The following FAM222A variants were observed in gnomAD, a reference collection of about 807,000 sequenced individuals.
FAM222A encodes family with sequence similarity 222 member A.
In FAM222A, 7 loss-of-function variants were observed where a neutral mutation model predicts 25.8. That is an observed-to-expected ratio of 0.27 (90% confidence interval 0.15 to 0.51). The LOEUF (loss-of-function observed/expected upper bound fraction) is 0.51. Ranked by LOEUF, FAM222A falls within the 20% of genes least tolerant of loss-of-function variation. The pLI, the probability that FAM222A is intolerant of heterozygous loss-of-function variation, is 0.97. For missense variants in FAM222A, 573 were observed against 640.5 expected (o/e 0.89, Z 1.14); for synonymous variants, 294 against 298.8 (o/e 0.98, Z 0.17).
Position 109,714,297 on chromosome 12 carries a change from C to G in FAM222A, c.-647C>G, listed in dbSNP as rs1887594852. 1 of 160,032 alleles carries G rather than the reference C, an allele frequency of 6.2e-6. No homozygotes were observed. The highest frequency in any genetic ancestry group is 6.5e-5 in the Admixed American group (1 of 15,332). The allele number at this position is 160,032 out of a possible 1,614,324, so 9.9% of individuals were successfully genotyped here. On this transcript the variant is annotated 5_prime_UTR_variant, in exon 1 of 3. Coordinates refer to ENST00000538780, the MANE Select transcript of FAM222A (RefSeq NM_032829.3). This position sits in a 1 kb window ranked among gnomAD's most constrained non-coding sequence, Gnocchi z 4.2. ...CAGGAGGAGGAGGGGCCGGTGCATT[C>G]TCGCCGCTGTTCTTTGCAACCTGCA...
intron 1 of FAM222A, chr12:109,720,150 C>T: frequency 1.0e-6 from 1 of 985,410 alleles, no homozygotes; most frequent in Non-Finnish European, 1.2e-6. Context: ...GTCCTGGCCC[C>T]ACAGCAAGCC....
chr12:109,749,046 A>G (rs959742729), intron 2 of FAM222A, among the ~76,000 whole-genome samples: 2 of 152,116 alleles, frequency 1.3e-5, no homozygotes, highest in Admixed American at 6.5e-5. Context: ...TTTTTAACCT[A>G]AGACTCATTT....
chr12:109,739,934 C>G (rs1410894774), intron 1 of FAM222A, among the ~76,000 whole-genome samples: 2 of 152,220 alleles, frequency 1.3e-5, no homozygotes, highest in Admixed American at 1.3e-4. Context: ...TACATGCTCA[C>G]CACCGTTAAG....
At chr12:109,730,666 C>T (rs1475420881) in intron 1 of FAM222A, among the ~76,000 whole-genome samples, 1 of 152,130 alleles carries the variant, frequency 6.6e-6, no homozygotes, top group Non-Finnish European at 1.5e-5. Context: ...GTCATCTTTG[C>T]CGTGTTTGGT....
rs753980412 is a variant in FAM222A, at chr12:109,769,115, G to A, written c.1186G>A (p.Val396Met). Residue 396 changes from valine (V) to methionine (M), a missense_variant, in exon 3 of 3, where the codon GTG becomes ATG. Transcript: ENST00000538780. ...DALSGLPSKS[V>M]CNTSVLSSSL... is the part of the protein sequence containing the mutation. ...CCTCTCGGGCCTGCCCAGCAAGAGT[G>A]TGTGCAACACATCGGTGCTGAGCAG... 6.2e-7 allele frequency: 1 copy of A among 1,611,618 alleles called. No homozygotes were observed. Among genetic ancestry groups the A allele is most frequent in the South Asian group, 1.1e-5 (1 of 90,818 alleles).
intron 1 of FAM222A, among the ~76,000 whole-genome samples, chr12:109,738,987 T>C (rs1420486801): frequency 2.0e-5 from 3 of 152,154 alleles, no homozygotes; most frequent in African/African-American, 7.2e-5. Flanking sequence ...AGCTCTCTTC[T>C]CTGAACTAGT....
At chr12:109,733,292 A>G (rs1411756326) in intron 1 of FAM222A, among the ~76,000 whole-genome samples, 1 of 152,254 alleles carries the variant, frequency 6.6e-6, no homozygotes, top group Non-Finnish European at 1.5e-5. Flanking sequence ...TACTGATTAC[A>G]CATTGAAGTG....
intron 1 of FAM222A, among the ~76,000 whole-genome samples, chr12:109,730,469 C>T (rs1887926958): frequency 6.6e-6 from 1 of 152,056 alleles, no homozygotes; most frequent in Non-Finnish European, 1.5e-5. Context: ...CCTCATCAGA[C>T]TCACTGAGCC....
At position 109,769,923 on chromosome 12, in the gene FAM222A, A is replaced by C. The variant is rs1889194922; in HGVS notation, c.*635A>C. 6.6e-6 allele frequency: 1 copy of C among 150,466 alleles called. No individual in the cohort carries two copies. The highest frequency in any genetic ancestry group is 2.5e-5 in the African/African-American group (1 of 40,410). 9.3% of individuals were successfully genotyped at this position (150,466 alleles called of 1,614,324 possible). On this transcript the variant is annotated 3_prime_UTR_variant, in exon 3 of 3. Coordinates refer to ENST00000538780, the MANE Select transcript of FAM222A (RefSeq NM_032829.3). ...AGTTGCACCCCCATCCCCATTCTCCAAACCCTGGACTACCATATTCCCCCT... is the reference window on the plus strand; with the variant it reads ...AGTTGCACCCCCATCCCCATTCTCCCAACCCTGGACTACCATATTCCCCCT...
intron 2 of FAM222A, among the ~76,000 whole-genome samples, chr12:109,755,246 G>C (rs1360610554): frequency 7.7e-6 from 1 of 130,052 alleles, no homozygotes; most frequent in East Asian, 2.4e-4. Flanking sequence ...TGTTTTAAGA[G>C]TTTTCTGATT....
At chr12:109,728,871 A>G (rs970883632) in intron 1 of FAM222A, among the ~76,000 whole-genome samples, 1 of 152,098 alleles carries the variant, frequency 6.6e-6, no homozygotes, top group Admixed American at 6.6e-5. Context: ...CAGAGCAGGG[A>G]GCTCCCGTTC....
intron 1 of FAM222A, among the ~76,000 whole-genome samples, chr12:109,726,397 A>G (rs1184162334): frequency 2.0e-5 from 3 of 152,186 alleles, no homozygotes; most frequent in African/African-American, 7.2e-5. Flanking sequence ...TGTGAGGGTG[A>G]GCTGCCCCTC....
At chr12:109,755,872 A>C (rs1435596922) in intron 2 of FAM222A, among the ~76,000 whole-genome samples, 1 of 152,228 alleles carries the variant, frequency 6.6e-6, no homozygotes, top group Non-Finnish European at 1.5e-5. Flanking sequence ...TGATTCCTGC[A>C]GCTTTGTATT....
intron 2 of FAM222A, among the ~76,000 whole-genome samples, chr12:109,748,384 T>A (rs1355105667): frequency 6.7e-6 from 1 of 149,752 alleles, no homozygotes; most frequent in Non-Finnish European, 1.5e-5. Context: ...TTTGCTATGT[T>A]ACACTGACAT....
intron 2 of FAM222A, among the ~76,000 whole-genome samples, chr12:109,765,983 C>T (rs1889037757): frequency 6.6e-6 from 1 of 152,228 alleles, no homozygotes; most frequent in African/African-American, 2.4e-5. Flanking sequence ...AGTAGCATCA[C>T]CCCATTTTAC....
chr12:109,751,847 G>A (rs565863339), intron 2 of FAM222A, among the ~76,000 whole-genome samples: 1 of 152,072 alleles, frequency 6.6e-6, no homozygotes, highest in Non-Finnish European at 1.5e-5. Flanking sequence ...CTGCTTCTTA[G>A]CCCTACTTGA....
chr12:109,757,832 A>G (rs763842748), intron 2 of FAM222A, among the ~76,000 whole-genome samples: 11 of 152,174 alleles, frequency 7.2e-5, no homozygotes, highest in Non-Finnish European at 1.5e-4. Context: ...GAGTAGGTCT[A>G]TGTCTGGAGA....
At chr12:109,756,392 C>CTTTTTTTTTTT (rs35171962) in intron 2 of FAM222A, among the ~76,000 whole-genome samples, 2 of 124,390 alleles carry the variant, frequency 1.6e-5, no homozygotes, top group Non-Finnish European at 3.4e-5. Context: ...AATATGAATG[C>CTTTTTTTTTTT]TTTTTTTTTT....
chr12:109,752,544 G>A (rs995300260), intron 2 of FAM222A, among the ~76,000 whole-genome samples: 1 of 152,232 alleles, frequency 6.6e-6, no homozygotes, highest in African/African-American at 2.4e-5. Context: ...GCCATGCTGT[G>A]TTTTCAGCCA....
Sources: allele counts gnomAD v4.1 joint callset (sites outside exome capture counted in the v4.1 genomes callset), GRCh38; gene constraint gnomAD v4.1.1; non-coding constraint Gnocchi (gnomAD v3.1); transcripts MANE v1.5; gene names NCBI Gene and HGNC (gene_info 2026-07-23, HGNC 2026-07-21).